NECAB1: variants seen among roughly 807,000 people sequenced by gnomAD.
NECAB1 encodes N-terminal EF-hand calcium-binding protein 1.
Under a neutral mutation model 57.5 loss-of-function variants are expected in NECAB1, and 29 were observed. The observed-to-expected ratio is 0.50, with a 90% confidence interval of 0.38 to 0.69. The LOEUF is 0.69. Ranked by LOEUF, NECAB1 falls within the 30% of genes least tolerant of loss-of-function variation. NECAB1 has a pLI of 0.00. For synonymous variants in NECAB1, 142 were observed against 147.7 expected, an observed-to-expected ratio of 0.96 and a Z score of 0.28; for missense variants, 372 against 413.8, an observed-to-expected ratio of 0.90 and a Z score of 0.88.
At chr8:90,817,407 G>A (rs1812076790) in intron 2 of NECAB1, among the ~76,000 whole-genome samples, 1 of 151,204 alleles carries the variant, frequency 6.6e-6, no homozygotes, top group Non-Finnish European at 1.5e-5. Flanking sequence ...CAATCTTAAG[G>A]AAAAAAACAT....
intron 3 of NECAB1, among the ~76,000 whole-genome samples, chr8:90,844,340 G>T (rs1049167419): frequency 3.3e-5 from 5 of 152,102 alleles, no homozygotes; most frequent in Non-Finnish European, 7.4e-5. Flanking sequence ...TTTCAAGTCT[G>T]CCAGCTCCCT....
At chr8:90,843,584 C>A (rs897309524) in intron 3 of NECAB1, among the ~76,000 whole-genome samples, 6 of 152,184 alleles carry the variant, frequency 3.9e-5, no homozygotes, top group African/African-American at 1.4e-4. Flanking sequence ...ATTATACGCT[C>A]ATCCGCCAGA....
intron 4 of NECAB1, among the ~76,000 whole-genome samples, chr8:90,874,300 T>C (rs1370591075): frequency 6.6e-6 from 1 of 152,198 alleles, no homozygotes; most frequent in Non-Finnish European, 1.5e-5. Context: ...TGCAGGTATG[T>C]AAAACTTTAA....
chr8:90,950,662 T>C (rs1217023608), intron 11 of NECAB1, among the ~76,000 whole-genome samples: 2 of 152,106 alleles, frequency 1.3e-5, no homozygotes, highest in East Asian at 1.9e-4. Flanking sequence ...CTTTGTGCTA[T>C]AAGGAAGGCA....
chr8:90,917,191 T>C (rs1308287525), intron 5 of NECAB1, among the ~76,000 whole-genome samples: 1 of 152,180 alleles, frequency 6.6e-6, no homozygotes, highest in Non-Finnish European at 1.5e-5. Flanking sequence ...ATATTTATTT[T>C]TTCTTTTCTA....
intron 6 of NECAB1, among the ~76,000 whole-genome samples, chr8:90,922,485 G>GATTTTTTTTTTTTTTTTTTTTTT (rs1810139818): frequency 1.5e-5 from 1 of 65,222 alleles, no homozygotes; most frequent in African/African-American, 9.9e-5. Flanking sequence ...CAAAAACTTG[G>GATTTTTTTTTTTTTTTTTTTTTT]ATTTTTTTTT....
intron 6 of NECAB1, among the ~76,000 whole-genome samples, chr8:90,921,780 A>G (rs1249938154): frequency 6.6e-6 from 1 of 152,226 alleles, no homozygotes; most frequent in Non-Finnish European, 1.5e-5. Context: ...TTTGGGATTT[A>G]ATATTTGTGA....
At chr8:90,947,735 AT>A (rs1328049187) in intron 10 of NECAB1, among the ~76,000 whole-genome samples, 4 of 152,184 alleles carry the variant, frequency 2.6e-5, no homozygotes, top group African/African-American at 4.8e-5. Flanking sequence ...AAGTATTGTT[AT>A]CATTATTGGA....
At chr8:90,875,284 AT>A (rs1160984648) in intron 4 of NECAB1, among the ~76,000 whole-genome samples, 2 of 151,124 alleles carry the variant, frequency 1.3e-5, no homozygotes, top group East Asian at 2.0e-4. Flanking sequence ...GATCGAGACC[AT>A]CCTGGCTAAC....
rs1186752814 is a variant in NECAB1 at position 90,907,934 on chromosome 8, C to T, written c.358-9558C>T. Among the ~76,000 whole-genome samples, 5 of 152,182 alleles carry T rather than the reference C, an allele frequency of 3.3e-5. 1 individual carries two copies. The South Asian group carries it at 1.0e-3, about 31-fold the overall frequency. On this transcript the variant is annotated intron_variant, in intron 5 of 12. Transcript: ENST00000417640. ...TTTATAAACTACTATTTTCCATACA[C>T]TATGCTGTTTAGAAATGCTCATAAT... is the stretch of plus-strand genomic sequence containing the variant.
chr8:90,955,593 G>T lies in NECAB1; in HGVS notation c.*81G>T. The stretch of plus-strand genomic sequence containing the variant: ...AAACGTCAATTAGAAAATTATCTGC[G>T]GTTGTTAATCTACTGTATATTTTTG... On this transcript the variant is annotated 3_prime_UTR_variant, in exon 13 of 13. Coordinates refer to ENST00000417640, the MANE Select transcript of NECAB1 (RefSeq NM_022351.5). 9.3e-7 allele frequency: 1 copy of T among 1,080,302 alleles called. No individual in the cohort carries two copies. Among genetic ancestry groups the T allele is most frequent in the East Asian group, 2.8e-5 (1 of 35,754 alleles). 66.9% of individuals were successfully genotyped at this position (1,080,302 alleles called of 1,614,324 possible). A position where few individuals can be genotyped will look rare whatever the true frequency, so the allele number is the denominator to read the frequency against.
At chr8:90,818,585 C>T (rs745982843) in intron 2 of NECAB1, among the ~76,000 whole-genome samples, 1 of 152,062 alleles carries the variant, frequency 6.6e-6, no homozygotes, top group African/African-American at 2.4e-5. Flanking sequence ...AAGAAGTCCA[C>T]TGTAACTGCA....
At chr8:90,860,371 T>A (rs1332239380) in intron 3 of NECAB1, among the ~76,000 whole-genome samples, 1 of 152,062 alleles carries the variant, frequency 6.6e-6, no homozygotes, top group Non-Finnish European at 1.5e-5. Context: ...GAAGTATTTA[T>A]AGAGCTCTAA....
chr8:90,888,527 G>A (rs1809069995), intron 5 of NECAB1, among the ~76,000 whole-genome samples: 1 of 152,154 alleles, frequency 6.6e-6, no homozygotes, highest in South Asian at 2.1e-4. Flanking sequence ...AAATTGGTCT[G>A]TGTTGTGTTT....
intron 3 of NECAB1, among the ~76,000 whole-genome samples, chr8:90,871,756 G>T (rs558893779): frequency 1.3e-5 from 2 of 152,054 alleles, no homozygotes; most frequent in African/African-American, 4.8e-5. Context: ...TCCTCATCTT[G>T]GGTCAGACGA....
At chr8:90,853,999 A>T (rs1284342635) in intron 3 of NECAB1, among the ~76,000 whole-genome samples, 1 of 152,114 alleles carries the variant, frequency 6.6e-6, no homozygotes, top group African/African-American at 2.4e-5. Context: ...ATAGGGGATG[A>T]GGGGTTTAGT....
intron 3 of NECAB1, among the ~76,000 whole-genome samples, chr8:90,842,189 TTAAAA>T (rs1480442830): frequency 1.4e-4 from 21 of 152,240 alleles, no homozygotes; most frequent in South Asian, 8.3e-4. Context: ...ACCCTTAAAC[TTAAAA>T]TAAAAGGTGG....
intron 9 of NECAB1, among the ~76,000 whole-genome samples, chr8:90,939,878 T>A (rs564224163): frequency 6.6e-6 from 1 of 152,372 alleles, no homozygotes; most frequent in African/African-American, 2.4e-5. Flanking sequence ...TCTCTCATGC[T>A]ACATAGCTGG....
At chr8:90,817,169 G>A (rs544682472) in intron 2 of NECAB1, among the ~76,000 whole-genome samples, 160 of 151,516 alleles carry the variant, frequency 1.1e-3, no homozygotes, top group Non-Finnish European at 2.0e-3. Flanking sequence ...GTATGACTTT[G>A]GTATATTTGC....
Sources: allele counts gnomAD v4.1 joint callset (sites outside exome capture counted in the v4.1 genomes callset), GRCh38; gene constraint gnomAD v4.1.1; transcripts MANE v1.5; gene names NCBI Gene and HGNC (gene_info 2026-07-23, HGNC 2026-07-21).